Variants in NSUN6 observed in about 807,000 individuals in gnomAD.
NSUN6 encodes NOP2/Sun RNA methyltransferase 6, also known as tRNA (cytosine(72)-C(5))-methyltransferase NSUN6.
A neutral mutation model predicts 58.0 loss-of-function variants in NSUN6; 64 were observed. The observed-to-expected ratio is 1.10, with a 90% CI of 0.90 to 1.36. The LOEUF (loss-of-function observed/expected upper bound fraction) is 1.36. Among genes scored for constraint, NSUN6 ranks in the 40% most tolerant of loss-of-function variants. NSUN6 has a pLI of 0.00. For missense variants in NSUN6, 701 were observed against 550.1 expected, an observed-to-expected ratio of 1.27 and a Z score of -2.74; for synonymous variants, 231 against 193.9, an observed-to-expected ratio of 1.19 and a Z score of -1.59.
chr10:18,617,980 T>C (rs1051570516), intron 3 of NSUN6, among the ~76,000 whole-genome samples: 17 of 152,196 alleles, frequency 1.1e-4, no homozygotes, highest in Non-Finnish European at 5.9e-5. Context: ...AAATTTATGT[T>C]CTTTATAAAT....
intron 5 of NSUN6, among the ~76,000 whole-genome samples, chr10:18,610,733 A>C (rs2058203421): frequency 6.6e-6 from 1 of 152,230 alleles, no homozygotes; most frequent in South Asian, 2.1e-4. Context: ...ATGTTGTCAG[A>C]GGCTACTGAA....
chr10:18,614,632 C>T lies in NSUN6; in HGVS notation c.422-19G>A. On this transcript the variant is annotated intron_variant, in intron 4 of 10. Coordinates refer to ENST00000377304, the MANE Select transcript of NSUN6 (RefSeq NM_182543.5). ...TTCATAACTAGAGAAAGAAGAAAAT[C>T]AGATTACACTGATTTATACTTTGGC... is the stretch of plus-strand genomic sequence containing the variant. The T allele has an allele frequency of 7.9e-7, 1 of 1,266,972 alleles. No individual in the cohort carries two copies. The allele number at this position is 1,266,972 out of a possible 1,614,324, so 78.5% of individuals were successfully genotyped here.
At chr10:18,659,296 C>T (rs547574322), upstream of NSUN6, 2 of 290,352 alleles carry the variant, frequency 6.9e-6, no homozygotes, top group East Asian at 6.1e-5. Flanking sequence ...GCCGTCGTCA[C>T]GCGCCTAGCT....
rs370335076 is a variant in NSUN6, at chr10:18,640,363, A to T, written c.311+2113T>A. ...ATACTTATGTACAACTCTAATTTTT[A>T]CTTGCTTCTATAAAGAAAAACCTAA... On this transcript the variant is annotated intron_variant, in intron 3 of 10. Coordinates refer to ENST00000377304, the MANE Select transcript of NSUN6 (RefSeq NM_182543.5). Among the ~76,000 whole-genome samples the T allele has an allele frequency of 4.1e-4, 62 of 152,298 alleles. No individual in the cohort carries two copies. In the East Asian group the frequency reaches 5.0e-3, roughly 12 times the overall value.
chr10:18,654,181 C>T (rs1166090089), upstream of NSUN6, among the ~76,000 whole-genome samples: 1 of 152,026 alleles, frequency 6.6e-6, no homozygotes, highest in Non-Finnish European at 1.5e-5. Flanking sequence ...CTGCAACCTC[C>T]GCTTCCTGGG....
chr10:18,559,868 A>C (rs1442088600), intron 8 of NSUN6, among the ~76,000 whole-genome samples: 1 of 150,576 alleles, frequency 6.6e-6, no homozygotes, highest in Non-Finnish European at 1.5e-5. Context: ...TGGGGATTTG[A>C]ATGCGGAATG....
intron 8 of NSUN6, among the ~76,000 whole-genome samples, chr10:18,571,186 A>G (rs2056339572): frequency 6.9e-6 from 1 of 144,896 alleles, no homozygotes; most frequent in Non-Finnish European, 1.5e-5. Context: ...TCTCCATTCC[A>G]TTCCCTTCCA....
chr10:18,651,651 G>A (rs1057048602), upstream of NSUN6: 6 of 985,936 alleles, frequency 6.1e-6, no homozygotes, highest in African/African-American at 1.0e-4. Context: ...GTCACGTCCG[G>A]CGCCTGCGGC....
chr10:18,584,744 T>C (rs987547384), intron 8 of NSUN6, among the ~76,000 whole-genome samples: 2 of 151,822 alleles, frequency 1.3e-5, no homozygotes, highest in East Asian at 1.9e-4. Context: ...CGTAAAAATG[T>C]TGAAAGTCAA....
intron 1 of NSUN6, among the ~76,000 whole-genome samples, chr10:18,649,194 A>C (rs554598084): frequency 6.6e-6 from 1 of 152,196 alleles, no homozygotes; most frequent in Non-Finnish European, 1.5e-5. Flanking sequence ...TAACAAATAT[A>C]TATTATCCAA....
intron 8 of NSUN6, among the ~76,000 whole-genome samples, chr10:18,585,686 G>A (rs953778341): frequency 6.6e-6 from 1 of 152,132 alleles, no homozygotes; most frequent in African/African-American, 2.4e-5. Context: ...TGTTCAAAGG[G>A]TACAAAGTTT....
Position 18,546,132 on chromosome 10 carries a change from C to G in NSUN6, c.1211G>C (p.Gly404Ala). 6.2e-7 allele frequency: 1 copy of G among 1,612,448 alleles called. No homozygotes were observed. The highest frequency in any genetic ancestry group is 8.5e-7 in the Non-Finnish European group (1 of 1,178,490). ...LQLQPQEPQI[G>A]GEGMRGAGLS... is the part of the protein sequence containing the mutation. ...CCCAGCTCCCCTCATTCCTTCTCCT[C>G]CAATCTGCGGTTCCTGTTTGGAGAA... The change falls in exon 11 of 11, where the codon GGA becomes GCA. Residue 404 changes from glycine (G) to alanine (A), a missense_variant. Gly to Ala is a moderately conservative substitution (Grantham distance 60). Transcript: ENST00000377304.
chr10:18,606,546 G>A (rs185314750), intron 6 of NSUN6, among the ~76,000 whole-genome samples: 188 of 152,252 alleles, frequency 1.2e-3, no homozygotes, highest in African/African-American at 3.9e-3. Flanking sequence ...TTGGAGCTAC[G>A]TACCTAACAT....
At chr10:18,567,570 C>CCATTCCATTCTCCATAG (rs1236800816) in intron 8 of NSUN6, among the ~76,000 whole-genome samples, 1 of 151,186 alleles carries the variant, frequency 6.6e-6, no homozygotes, top group Non-Finnish European at 1.5e-5. Flanking sequence ...CCATTCCGTT[C>CCATTCCATTCTCCATAG]CATTCCATTC....
Position 18,609,836 on chromosome 10 carries a change from C to T in NSUN6, c.657+9G>A. ...TGTCACTAAATATTTTACTTTTATA[C>T]ATACTTACTTGTAAAAATAAGTAAC... On this transcript the variant is annotated intron_variant, in intron 6 of 10. Coordinates refer to ENST00000377304, the MANE Select transcript of NSUN6 (RefSeq NM_182543.5). The T allele has an allele frequency of 2.2e-6, 3 of 1,381,200 alleles. No homozygotes were observed. The highest frequency in any genetic ancestry group is 2.3e-5 in the East Asian group (1 of 43,784). The allele number at this position is 1,381,200 out of a possible 1,614,324, so 85.6% of individuals were successfully genotyped here.
chr10:18,551,161 T>C (rs2054575665), intron 9 of NSUN6, among the ~76,000 whole-genome samples: 2 of 152,020 alleles, frequency 1.3e-5, no homozygotes, highest in South Asian at 2.1e-4. Context: ...ATCTCAGTGA[T>C]GAAATTCTAC....
chr10:18,631,495 C>T (rs1313257607), intron 3 of NSUN6, among the ~76,000 whole-genome samples: 1 of 128,388 alleles, frequency 7.8e-6, no homozygotes, highest in Admixed American at 8.4e-5. Flanking sequence ...GATTGTATAT[C>T]TAGAAAACCC....
At chr10:18,636,912 T>A (rs1366573139) in intron 3 of NSUN6, among the ~76,000 whole-genome samples, 1 of 131,274 alleles carries the variant, frequency 7.6e-6, no homozygotes, top group Admixed American at 7.7e-5. Context: ...TAATTAAAAA[T>A]ATATATACTT....
At chr10:18,628,121 G>A (rs995557417) in intron 3 of NSUN6, among the ~76,000 whole-genome samples, 28 of 152,170 alleles carry the variant, frequency 1.8e-4, no homozygotes, top group African/African-American at 6.5e-4. Flanking sequence ...AGCCTAACTG[G>A]GAGGCACCCC....
Sources: allele counts gnomAD v4.1 joint callset (sites outside exome capture counted in the v4.1 genomes callset), GRCh38; gene constraint gnomAD v4.1.1; transcripts MANE v1.5; gene names NCBI Gene and HGNC (gene_info 2026-07-23, HGNC 2026-07-21).